The following HEATR5B variants were observed in gnomAD, a reference collection of about 807,000 sequenced individuals.
HEATR5B encodes the protein HEAT repeat containing 5B, also known as HEAT repeat-containing protein 5B.
A neutral mutation model predicts 224.1 loss-of-function variants in HEATR5B; 156 were observed. That is an observed-to-expected ratio of 0.70 (90% CI 0.61 to 0.80). HEATR5B has a LOEUF of 0.80. Among genes scored for constraint, HEATR5B ranks in the 30% least tolerant of loss-of-function variants. The probability of loss-of-function intolerance (pLI) is 0.00; values close to 1 mark genes in which losing one functional copy is unlikely to be tolerated. For synonymous variants in HEATR5B, 1,027 were observed against 893.0 expected (o/e 1.15, Z -2.68); for missense variants, 2,323 against 2,535.5 (o/e 0.92, Z 1.80).
At chr2:37,005,102 T>G (rs1667328524) in intron 30 of HEATR5B, among the ~76,000 whole-genome samples, 1 of 152,264 alleles carries the variant, frequency 6.6e-6, no homozygotes, top group Admixed American at 6.5e-5. Context: ...GGTCTTCACC[T>G]TGTTGTCCAG....
At chr2:37,065,672 C>A (rs1671546065) in intron 9 of HEATR5B, 83 bp downstream of exon 9, 1 of 1,150,890 alleles carries the variant, frequency 8.7e-7, no homozygotes, top group Non-Finnish European at 1.3e-6. Flanking sequence ...TGATGATAAG[C>A]AACTAATCAG....
chr2:37,004,333 G>A (rs1244607649), intron 30 of HEATR5B, among the ~76,000 whole-genome samples: 3 of 150,252 alleles, frequency 2.0e-5, no homozygotes, highest in Non-Finnish European at 4.4e-5. Flanking sequence ...ACTTCCTAGG[G>A]ATTCTTCAAG....
chr2:37,034,612 CAAAA>C (rs772823865), intron 21 of HEATR5B, among the ~76,000 whole-genome samples: 2 of 30,572 alleles, frequency 6.5e-5, no homozygotes, highest in African/African-American at 1.2e-4. Flanking sequence ...GACTCTGTCT[CAAAA>C]AAAAAAAAAA....
At chr2:37,042,500 G>A (rs940123023) in intron 18 of HEATR5B, among the ~76,000 whole-genome samples, 4 of 152,366 alleles carry the variant, frequency 2.6e-5, no homozygotes, top group Admixed American at 1.3e-4. Context: ...TGAAGCTTGG[G>A]TGGAAGAATG....
At position 37,084,302 on chromosome 2, in the gene HEATR5B, C is replaced by T. The variant is rs765426019; in HGVS notation, c.-56G>A. 1.5e-5 allele frequency: 6 copies of T among 397,314 alleles called. No homozygotes were observed. Among genetic ancestry groups the T allele is most frequent in the Non-Finnish European group, 2.7e-5 (6 of 226,204 alleles). The allele number at this position is 397,314 out of a possible 1,614,324, so 24.6% of individuals were successfully genotyped here. A position where few individuals can be genotyped will look rare whatever the true frequency, so the allele number is the denominator to read the frequency against. ...CTGGAAGGGAAGATCAGCTGAGCTCCGGGGGTAGAAGCAGCCACCAAGAGA... is the reference window on the plus strand; with the variant it reads ...CTGGAAGGGAAGATCAGCTGAGCTCTGGGGGTAGAAGCAGCCACCAAGAGA... On this transcript the variant is annotated 5_prime_UTR_variant, in exon 1 of 36. Transcript: ENST00000233099.
chr2:37,059,446 G>GTGTATATA (rs1354982525), intron 12 of HEATR5B, among the ~76,000 whole-genome samples: 9 of 42,312 alleles, frequency 2.1e-4, no homozygotes, highest in African/African-American at 6.4e-4. Flanking sequence ...GTGTGTGTGT[G>GTGTATATA]TATATATATA....
In HEATR5B at chr2:37,053,853, T is replaced by C. The variant is rs527891414; in HGVS notation, c.2400-246A>G. Among the ~76,000 whole-genome samples the C allele has an allele frequency of 4.6e-5, 7 of 151,904 alleles. No homozygotes were observed. The East Asian group carries it at 1.4e-3, about 29-fold the overall frequency. On this transcript the variant is annotated intron_variant, in intron 16 of 35. Coordinates refer to ENST00000233099, the MANE Select transcript of HEATR5B (RefSeq NM_019024.3). ...CAAAATAAGGTCACAATTGCAGTGG[T>C]CTTCAACATTAACAGCACTGTCCAA... is the stretch of plus-strand genomic sequence containing the variant.
At chr2:37,011,124 G>A (rs908427592) in intron 27 of HEATR5B, among the ~76,000 whole-genome samples, 42 of 152,030 alleles carry the variant, frequency 2.8e-4, no homozygotes, top group Non-Finnish European at 6.0e-4. Context: ...ATGAACACTC[G>A]GCAGTTTATG....
intron 32 of HEATR5B, among the ~76,000 whole-genome samples, chr2:37,001,559 C>A (rs1002558655): frequency 2.6e-5 from 4 of 151,784 alleles, no homozygotes; most frequent in Non-Finnish European, 5.9e-5. Context: ...CTGAGCCTCA[C>A]TGGAAGAGGA....
At chr2:37,014,468 A>G (rs903824357) in intron 26 of HEATR5B, among the ~76,000 whole-genome samples, 2 of 151,846 alleles carry the variant, frequency 1.3e-5, no homozygotes, top group African/African-American at 4.8e-5. Flanking sequence ...AGCCAGTATT[A>G]TTTTTTATAT....
chr2:36,986,037 G>A (rs999633019), intron 35 of HEATR5B, among the ~76,000 whole-genome samples: 1 of 151,800 alleles, frequency 6.6e-6, no homozygotes, highest in Admixed American at 6.6e-5. Flanking sequence ...CCAAATTAGG[G>A]TGCCTGTAAA....
intron 4 of HEATR5B, among the ~76,000 whole-genome samples, chr2:37,076,602 A>G (rs955198205): frequency 2.0e-5 from 3 of 149,970 alleles, no homozygotes; most frequent in African/African-American, 4.9e-5. Flanking sequence ...GTCTAAGGTA[A>G]TTTATTACAG....
chr2:37,049,116 A>G (rs1670378346), intron 18 of HEATR5B, among the ~76,000 whole-genome samples: 1 of 152,206 alleles, frequency 6.6e-6, no homozygotes, highest in African/African-American at 2.4e-5. Flanking sequence ...CATCACTAAT[A>G]ACTGCAACTC....
At chr2:37,052,406 A>G (rs78409030) in intron 17 of HEATR5B, among the ~76,000 whole-genome samples, 180 of 152,282 alleles carry the variant, frequency 1.2e-3, no homozygotes, top group African/African-American at 4.1e-3. Context: ...TGCCTTTTCA[A>G]TTTTAACTAG....
At chr2:37,054,972 T>A (rs537745389) in intron 16 of HEATR5B, 1 of 200,370 alleles carries the variant, frequency 5.0e-6, no homozygotes, top group South Asian at 7.0e-5. Context: ...AGGTCTCAGG[T>A]CTCAGGTCAA....
chr2:37,061,435 A>AT (rs1671274771), intron 11 of HEATR5B, among the ~76,000 whole-genome samples: 1 of 152,230 alleles, frequency 6.6e-6, no homozygotes. Flanking sequence ...GCAGCTAAAC[A>AT]TATGAACTAA....
intron 5 of HEATR5B, 92 bp downstream of exon 5, chr2:37,075,393 C>A: frequency 3.2e-6 from 3 of 927,202 alleles, no homozygotes; most frequent in East Asian, 2.7e-5. Context: ...GAACACAAAA[C>A]ATAATTTAAA....
chr2:37,010,210 G>C (rs1667700650), intron 27 of HEATR5B, among the ~76,000 whole-genome samples: 1 of 152,090 alleles, frequency 6.6e-6, no homozygotes, highest in Non-Finnish European at 1.5e-5. Flanking sequence ...AGGAATGACA[G>C]CAAGCAAGAA....
At chr2:36,987,008 C>T (rs549867664) in intron 35 of HEATR5B, among the ~76,000 whole-genome samples, 1 of 152,260 alleles carries the variant, frequency 6.6e-6, no homozygotes, top group African/African-American at 2.4e-5. Flanking sequence ...TCACCTTGGC[C>T]TCCCAAAGTG....
Sources: allele counts gnomAD v4.1 joint callset (sites outside exome capture counted in the v4.1 genomes callset), GRCh38; gene constraint gnomAD v4.1.1; transcripts MANE v1.5; gene names NCBI Gene and HGNC (gene_info 2026-07-23, HGNC 2026-07-21).